Variants in NIBAN1 observed in about 807,000 individuals in gnomAD.
NIBAN1 encodes the protein protein Niban 1.
In NIBAN1, 81 loss-of-function variants were observed where a neutral mutation model predicts 75.1. The ratio of observed to expected loss-of-function variants is 1.08; its 90% confidence interval spans 0.90 to 1.30. The LOEUF is 1.30. Among genes scored for constraint, NIBAN1 ranks in the 50% most tolerant of loss-of-function variants. The probability of loss-of-function intolerance (pLI) is 0.00; values close to 1 mark genes in which losing one functional copy is unlikely to be tolerated. For missense variants in NIBAN1, 1,133 were observed against 1,128.1 expected (o/e 1.00, Z -0.06); for synonymous variants, 436 against 424.8 (o/e 1.03, Z -0.32).
Position 184,823,713 on chromosome 1 carries a change from G to C in NIBAN1, c.747C>G (p.Leu249=). 6.2e-7 allele frequency: 1 copy of C among 1,614,098 alleles called. No individual in the cohort carries two copies. The highest frequency in any genetic ancestry group is 8.5e-7 in the Non-Finnish European group (1 of 1,179,982). ...GCAGGTCTGTCTGAAGAGTGGGCAG[G>C]AGCTCCTCCATCACCAGGTTACTCA... The part of the protein sequence containing the change: ...QILSNLVMEE[L]LPTLQTDLLP... The change falls in exon 7 of 14, where the codon CTC becomes CTG. Residue 249 remains leucine (L), a synonymous_variant. Coordinates refer to ENST00000367511, the MANE Select transcript of NIBAN1 (RefSeq NM_052966.4).
chr1:184,801,903 T>A (rs1319484042), intron 12 of NIBAN1, among the ~76,000 whole-genome samples: 1 of 152,232 alleles, frequency 6.6e-6, no homozygotes, highest in African/African-American at 2.4e-5. Flanking sequence ...GTGTTTTATA[T>A]TGAATTGATT....
At chr1:184,884,187 T>C (rs1050016930) in intron 5 of NIBAN1, among the ~76,000 whole-genome samples, 1 of 151,164 alleles carries the variant, frequency 6.6e-6, no homozygotes, top group Non-Finnish European at 1.5e-5. Context: ...GTTTCCCTCT[T>C]CTTCCCTGGG....
intron 5 of NIBAN1, among the ~76,000 whole-genome samples, chr1:184,877,936 T>C (rs1028338098): frequency 1.3e-5 from 2 of 152,094 alleles, no homozygotes; most frequent in Admixed American, 1.3e-4. Context: ...TTAAATGAAC[T>C]TTAACTCTGC....
At chr1:184,925,722 T>A (rs1344823172) in intron 1 of NIBAN1, among the ~76,000 whole-genome samples, 1 of 152,036 alleles carries the variant, frequency 6.6e-6, no homozygotes, top group Non-Finnish European at 1.5e-5. Flanking sequence ...TTAACTTCAT[T>A]TTTTTAACTT....
intron 1 of NIBAN1, among the ~76,000 whole-genome samples, chr1:184,948,242 T>C (rs1658278027): frequency 6.6e-6 from 1 of 152,230 alleles, no homozygotes; most frequent in Admixed American, 6.5e-5. Flanking sequence ...CATTTCTATC[T>C]GAAACAGGTC....
intron 12 of NIBAN1, among the ~76,000 whole-genome samples, chr1:184,801,473 T>C (rs530894613): frequency 2.9e-4 from 44 of 152,298 alleles, no homozygotes; most frequent in African/African-American, 9.9e-4. Flanking sequence ...CTCTGCTAAA[T>C]GAGAGGCACA....
chr1:184,871,312 A>C (rs1425168187), intron 5 of NIBAN1, among the ~76,000 whole-genome samples: 1 of 137,672 alleles, frequency 7.3e-6, no homozygotes, highest in East Asian at 2.1e-4. Flanking sequence ...ATGTCATTAC[A>C]CTCCAGCCTG....
chr1:184,800,450 T>C (rs1164789518), intron 12 of NIBAN1, among the ~76,000 whole-genome samples: 55 of 151,998 alleles, frequency 3.6e-4, no homozygotes, highest in African/African-American at 1.3e-3. Context: ...CATGCCTATG[T>C]CCTGAATGGT....
At chr1:184,970,943 T>G (rs1658919965) in intron 1 of NIBAN1, among the ~76,000 whole-genome samples, 1 of 152,156 alleles carries the variant, frequency 6.6e-6, no homozygotes, top group Non-Finnish European at 1.5e-5. Flanking sequence ...GGTTTTGTTT[T>G]GGGGTTTTTT....
chr1:184,822,540 A>G (rs564660725), intron 8 of NIBAN1, among the ~76,000 whole-genome samples: 2 of 152,186 alleles, frequency 1.3e-5, no homozygotes, highest in East Asian at 1.9e-4. Flanking sequence ...CAGTTTGCCA[A>G]TCCCACTCCT....
chr1:184,957,393 G>A (rs1455657367), intron 1 of NIBAN1, among the ~76,000 whole-genome samples: 2 of 152,200 alleles, frequency 1.3e-5, no homozygotes, highest in African/African-American at 4.8e-5. Context: ...AATTCAACAA[G>A]CTGTTGAAAA....
chr1:184,879,372 G>T (rs1194461403), intron 5 of NIBAN1, among the ~76,000 whole-genome samples: 1 of 152,150 alleles, frequency 6.6e-6, no homozygotes, highest in Non-Finnish European at 1.5e-5. Flanking sequence ...ATAGATATGT[G>T]CATGTCCATA....
At chr1:184,887,007 G>A (rs1453147783) in intron 4 of NIBAN1, among the ~76,000 whole-genome samples, 1 of 152,146 alleles carries the variant, frequency 6.6e-6, no homozygotes, top group East Asian at 1.9e-4. Flanking sequence ...TGTAATCCCA[G>A]CTATTCAGGA....
At chr1:184,887,570 C>T (rs958203898) in intron 4 of NIBAN1, among the ~76,000 whole-genome samples, 5 of 152,094 alleles carry the variant, frequency 3.3e-5, no homozygotes, top group African/African-American at 1.2e-4. Context: ...TCCTTTTCTC[C>T]TCCCTATTAT....
chr1:184,820,211 A>G (rs1281934588), intron 8 of NIBAN1, among the ~76,000 whole-genome samples: 1 of 152,222 alleles, frequency 6.6e-6, no homozygotes, highest in East Asian at 1.9e-4. Flanking sequence ...AAAGAGAGGA[A>G]GTATTTGAAA....
At chr1:184,876,405 G>A (rs747513319) in intron 5 of NIBAN1, among the ~76,000 whole-genome samples, 1 of 150,194 alleles carries the variant, frequency 6.7e-6, no homozygotes, top group Non-Finnish European at 1.5e-5. Flanking sequence ...GTTAAGAAAT[G>A]GAAAAACTGG....
At position 184,803,593 on chromosome 1, in the gene NIBAN1, A is replaced by G. The variant is rs569363109; in HGVS notation, c.1546T>C (p.Cys516Arg). 3.1e-6 allele frequency: 5 copies of G among 1,613,878 alleles called. No individual in the cohort carries two copies. The highest frequency in any genetic ancestry group is 4.2e-6 in the Non-Finnish European group (5 of 1,179,774). The change falls in exon 12 of 14, where the codon TGC (cysteine) becomes CGC (arginine). Residue 516 changes from cysteine to arginine, a missense_variant. Cys to Arg is a radical substitution (Grantham distance 180, BLOSUM62 -3). Transcript: ENST00000367511. ...PTVQKALAST[C>R]KPELQKYEQF... ...GTAACTCATCCCCTTACTGGTTTGC[A>G]TGTGGACGCCAGTGCCTTCTGCACA... is the stretch of plus-strand genomic sequence containing the variant.
At chr1:184,889,483 T>C (rs1656612519) in intron 4 of NIBAN1, among the ~76,000 whole-genome samples, 1 of 152,186 alleles carries the variant, frequency 6.6e-6, no homozygotes, top group Non-Finnish European at 1.5e-5. Context: ...GTAACACTTA[T>C]TAAAAGGTTT....
intron 1 of NIBAN1, among the ~76,000 whole-genome samples, chr1:184,972,417 G>T (rs1366957571): frequency 6.6e-6 from 1 of 152,220 alleles, no homozygotes; most frequent in Non-Finnish European, 1.5e-5. Context: ...ATTTGCTCAT[G>T]CACTAACAAT....
Sources: gnomAD v4.1 joint callset for allele counts (sites outside exome capture counted in the v4.1 genomes callset) on GRCh38, gnomAD v4.1.1 for gene constraint, MANE v1.5 for transcripts, NCBI Gene and HGNC (gene_info 2026-07-23, HGNC 2026-07-21) for gene names.